The following ZCCHC3 variants were observed in gnomAD, a reference collection of about 807,000 sequenced individuals.
ZCCHC3 encodes zinc finger CCHC domain-containing protein 3.
A neutral mutation model predicts 18.4 loss-of-function variants in ZCCHC3; 20 were observed. That is an observed-to-expected ratio of 1.09 (90% confidence interval 0.76 to 1.58). The LOEUF is 1.58. Ranked by LOEUF, ZCCHC3 falls within the 40% of genes most tolerant of loss-of-function variation. The probability of loss-of-function intolerance (pLI) is 0.00; values close to 1 mark genes in which losing one functional copy is unlikely to be tolerated. For synonymous variants in ZCCHC3, 310 were observed against 232.7 expected, an observed-to-expected ratio of 1.33 and a Z score of -3.02; for missense variants, 548 against 511.2, an observed-to-expected ratio of 1.07 and a Z score of -0.69.
In ZCCHC3 at chr20:298,648, C is replaced by G. The variant is rs1355383220; in HGVS notation, c.1062C>G (p.Phe354Leu). Residue 354 changes from phenylalanine to leucine, a missense_variant, in exon 1 of 1, where the codon TTC becomes TTG. Physicochemically the swap from Phe to Leu is conservative, Grantham distance 22. Coordinates refer to ENST00000500893, the MANE Select transcript of ZCCHC3 (RefSeq NM_033089.7). ...MSGSCTQDRC[F>L]RCGEEGHLSP... ...GCAGCTGCACGCAGGACAGGTGCTT[C>G]AGGTGCGGGGAGGAGGGGCACCTGA... 3.8e-6 allele frequency: 5 copies of G among 1,313,994 alleles called. No homozygotes were observed. The highest frequency in any genetic ancestry group is 5.5e-6 in the Non-Finnish European group (5 of 906,466). The allele number at this position is 1,313,994 out of a possible 1,614,324, so 81.4% of individuals were successfully genotyped here.
rs1478469145 is a variant in ZCCHC3, at chr20:297,644, C to T, written c.58C>T (p.Pro20Ser). 16 of 1,371,238 alleles carry T rather than the reference C, an allele frequency of 1.2e-5. No homozygotes were observed. Among genetic ancestry groups the T allele is most frequent in the East Asian group, 3.1e-5 (1 of 32,462 alleles). The allele number at this position is 1,371,238 out of a possible 1,614,324, so 84.9% of individuals were successfully genotyped here. ...ERKRGRPQLL[P>S]PARPAARGEE... ...GAAACGGGGGCGGCCGCAGCTTCTGCCCCCCGCGCGGCCCGCGGCCCGGGG... is the reference window on the plus strand; with the variant it reads ...GAAACGGGGGCGGCCGCAGCTTCTGTCCCCCGCGCGGCCCGCGGCCCGGGG... Residue 20 changes from proline (P) to serine (S), a missense_variant, in exon 1 of 1, where the codon CCC (proline) becomes TCC (serine). By Grantham distance (74) the Pro-to-Ser change is moderately conservative. Coordinates refer to ENST00000500893, the MANE Select transcript of ZCCHC3 (RefSeq NM_033089.7).
rs1294370816 is a variant in ZCCHC3 at position 300,092 on chromosome 20, C to T, written c.*1294C>T. 1 of 167,078 alleles carries T rather than the reference C, an allele frequency of 6.0e-6. No individual in the cohort carries two copies. Among genetic ancestry groups the T allele is most frequent in the Non-Finnish European group, 1.5e-5 (1 of 68,128 alleles). 10.3% of individuals were successfully genotyped at this position (167,078 alleles called of 1,614,324 possible). On this transcript the variant is annotated 3_prime_UTR_variant, in exon 1 of 1. Transcript: ENST00000500893. ...TTCTCAGGAGAAAGATGGATTTTAA[C>T]CCAAAATTATGAGTGAGCTGTTAAC...
At position 297,839 on chromosome 20, in the gene ZCCHC3, G is replaced by C. The variant is rs111330250; in HGVS notation, c.253G>C (p.Asp85His). The C allele has an allele frequency of 8.0e-7, 1 of 1,250,482 alleles. No individual in the cohort carries two copies. Among genetic ancestry groups the C allele is most frequent in the African/African-American group, 1.6e-5 (1 of 63,728 alleles). The allele number at this position is 1,250,482 out of a possible 1,614,324, so 77.5% of individuals were successfully genotyped here. A position where few individuals can be genotyped will look rare whatever the true frequency, so the allele number is the denominator to read the frequency against. ...LGGPAGLAAP[D>H]LGDFPPAGRG... Reference sequence around the variant, plus strand: ...CGGCCCCGCGGGCCTGGCGGCGCCGGACCTCGGCGACTTCCCACCGGCTGG... The same window carrying C: ...CGGCCCCGCGGGCCTGGCGGCGCCGCACCTCGGCGACTTCCCACCGGCTGG... The change falls in exon 1 of 1, where the codon GAC (aspartate) becomes CAC (histidine). Residue 85 changes from aspartate (D) to histidine (H), a missense_variant. Physicochemically the swap from Asp to His is moderately conservative, Grantham distance 81 (BLOSUM62 -1). Transcript: ENST00000500893.
rs1393537598 is a variant in ZCCHC3 at position 298,588 on chromosome 20, A to G, written c.1002A>G (p.Thr334=). Residue 334 remains threonine (T), a synonymous_variant, in exon 1 of 1, where the codon ACA becomes ACG. Transcript: ENST00000500893. ...GYSWYKGQPK[T]CFKCGSRTHM... ...GCTGGTACAAGGGGCAGCCCAAGACATGCTTTAAATGTGGTTCCCGGACCC... is the reference window on the plus strand; with the variant it reads ...GCTGGTACAAGGGGCAGCCCAAGACGTGCTTTAAATGTGGTTCCCGGACCC... 3 of 834,746 alleles carry G rather than the reference A, an allele frequency of 3.6e-6. No individual in the cohort carries two copies. The highest frequency in any genetic ancestry group is 6.3e-6 in the Non-Finnish European group (3 of 477,614). The allele number at this position is 834,746 out of a possible 1,614,324, so 51.7% of individuals were successfully genotyped here. A position where few individuals can be genotyped will look rare whatever the true frequency, so the allele number is the denominator to read the frequency against.
chr20:298,252 G>A lies in ZCCHC3; in HGVS notation c.666G>A (p.Leu222=). The change falls in exon 1 of 1, where the codon CTG becomes CTA. Residue 222 remains leucine (L), a synonymous_variant. Coordinates refer to ENST00000500893, the MANE Select transcript of ZCCHC3 (RefSeq NM_033089.7). The part of the protein sequence containing the change: ...FDVSFRSAEK[L]ALFLRVYEEK... ...TGAGCTTCCGCTCAGCGGAGAAGCT[G>A]GCCCTGTTCCTACGCGTCTACGAGG... is the stretch of plus-strand genomic sequence containing the variant. 1 of 936,718 alleles carries A rather than the reference G, an allele frequency of 1.1e-6. No homozygotes were observed. The highest frequency in any genetic ancestry group is 1.8e-6 in the Non-Finnish European group (1 of 560,476). 58.0% of individuals were successfully genotyped at this position (936,718 alleles called of 1,614,324 possible). A position where few individuals can be genotyped will look rare whatever the true frequency, so the allele number is the denominator to read the frequency against.
In ZCCHC3 at chr20:298,109, G is replaced by T. The variant is rs1033668323; in HGVS notation, c.523G>T (p.Glu175Ter). 6.3e-7 allele frequency: 1 copy of T among 1,599,390 alleles called. No individual in the cohort carries two copies. ...CGTCCGCATCTGTTTCCAGGGAGAC[G>T]AGGGCGCCTGCCCGACCCGGGACTT... ...FLVRICFQGDEGACPTRDFVV... is the reference protein window; with the variant it reads ...FLVRICFQGD The change falls in exon 1 of 1, where the codon GAG becomes TAG. Residue 175 changes from glutamate to a stop codon, truncating the protein, a stop_gained. Coordinates refer to ENST00000500893, the MANE Select transcript of ZCCHC3 (RefSeq NM_033089.7). LOFTEE classifies it high-confidence loss of function.
In ZCCHC3 at chr20:298,231, C is replaced by T. The variant is rs913519178; in HGVS notation, c.645C>T (p.Ser215=). The change falls in exon 1 of 1, where the codon AGC becomes AGT. Residue 215 remains serine (S), a synonymous_variant. Transcript: ENST00000500893. ...QIPGSREFDV[S]FRSAEKLALF... ...CGGGCAGCCGCGAATTCGACGTGAG[C>T]TTCCGCTCAGCGGAGAAGCTGGCCC... 3 of 1,039,406 alleles carry T rather than the reference C, an allele frequency of 2.9e-6. No homozygotes were observed. The highest frequency in any genetic ancestry group is 4.6e-6 in the Non-Finnish European group (3 of 654,518). 64.4% of individuals were successfully genotyped at this position (1,039,406 alleles called of 1,614,324 possible). A position where few individuals can be genotyped will look rare whatever the true frequency, so the allele number is the denominator to read the frequency against.
In ZCCHC3 at chr20:298,930, C is replaced by A; in HGVS notation, c.*132C>A. 2 of 1,008,190 alleles carry A rather than the reference C, an allele frequency of 2.0e-6. No homozygotes were observed. Among genetic ancestry groups the A allele is most frequent in the Non-Finnish European group, 1.4e-6 (1 of 731,570 alleles). 62.5% of individuals were successfully genotyped at this position (1,008,190 alleles called of 1,614,324 possible). A position where few individuals can be genotyped will look rare whatever the true frequency, so the allele number is the denominator to read the frequency against. Reference sequence around the variant, plus strand: ...AACCTACAAGAGACATCTCTCTATGCCTTCTTAAACCGAGTTTACTCCATT... The same window carrying A: ...AACCTACAAGAGACATCTCTCTATGACTTCTTAAACCGAGTTTACTCCATT... On this transcript the variant is annotated 3_prime_UTR_variant, in exon 1 of 1. Coordinates refer to ENST00000500893, the MANE Select transcript of ZCCHC3 (RefSeq NM_033089.7).
rs1251352524 is a variant in ZCCHC3 at position 298,203 on chromosome 20, T to G, written c.617T>G (p.Ile206Ser). Residue 206 changes from isoleucine to serine, a missense_variant, in exon 1 of 1, where the codon ATC becomes AGC. Physicochemically the swap from Ile to Ser is moderately radical, Grantham distance 142. Coordinates refer to ENST00000500893, the MANE Select transcript of ZCCHC3 (RefSeq NM_033089.7). Reference sequence around the variant, plus strand: ...AGCGACATCTACGCGGTCATCCAGATCCCGGGCAGCCGCGAATTCGACGTG... The same window carrying G: ...AGCGACATCTACGCGGTCATCCAGAGCCCGGGCAGCCGCGAATTCGACGTG... The part of the protein sequence containing the change: ...DPSDIYAVIQ[I>S]PGSREFDVSF... 9.3e-6 allele frequency: 12 copies of G among 1,295,482 alleles called. No individual in the cohort carries two copies. The highest frequency in any genetic ancestry group is 1.4e-5 in the Non-Finnish European group (12 of 888,804). 80.2% of individuals were successfully genotyped at this position (1,295,482 alleles called of 1,614,324 possible).
rs1167499940 is a variant in ZCCHC3, at chr20:298,358, C to T, written c.772C>T (p.Leu258Phe). The change falls in exon 1 of 1, where the codon CTC becomes TTC. Residue 258 changes from leucine (L) to phenylalanine (F), a missense_variant. By Grantham distance (22) the Leu-to-Phe change is conservative (BLOSUM62 0). Transcript: ENST00000500893. ...SKSSLKTLFI[L>F]FRNETVDVED... is the part of the protein sequence containing the mutation. Reference sequence around the variant, plus strand: ...GTCCAGCTTGAAGACGCTCTTCATCCTCTTCCGGAACGAGACGGTGGACGT... The same window carrying T: ...GTCCAGCTTGAAGACGCTCTTCATCTTCTTCCGGAACGAGACGGTGGACGT... The T allele has an allele frequency of 1.3e-6, 1 of 782,640 alleles. No homozygotes were observed. The highest frequency in any genetic ancestry group is 1.7e-5 in the African/African-American group (1 of 59,198). The allele number at this position is 782,640 out of a possible 1,614,324, so 48.5% of individuals were successfully genotyped here. A position where few individuals can be genotyped will look rare whatever the true frequency, so the allele number is the denominator to read the frequency against.
rs2012707202 is a variant in ZCCHC3 at position 299,294 on chromosome 20, T to A, written c.*496T>A. On this transcript the variant is annotated 3_prime_UTR_variant, in exon 1 of 1. Coordinates refer to ENST00000500893, the MANE Select transcript of ZCCHC3 (RefSeq NM_033089.7). ...TATCAGAGTGTCTACCTTTTGCAGC[T>A]CTTCCCCTCCCTCATTTAATTTGCT... 6.0e-6 allele frequency: 1 copy of A among 167,630 alleles called. No individual in the cohort carries two copies. The allele number at this position is 167,630 out of a possible 1,614,324, so 10.4% of individuals were successfully genotyped here. A position where few individuals can be genotyped will look rare whatever the true frequency, so the allele number is the denominator to read the frequency against.
chr20:298,000 G>C lies in ZCCHC3; in HGVS notation c.414G>C (p.Arg138Ser), dbSNP rs2012672427. ...CGGCCGCCATGGCGACCCCGGCCAG[G>C]CCCGGCGAGGCCGAGGACGCGGCCG... ...AAAAAMATPA[R>S]PGEAEDAAER... Residue 138 changes from arginine to serine, a missense_variant, in exon 1 of 1, where the codon AGG becomes AGC. By Grantham distance (110) the Arg-to-Ser change is moderately radical (BLOSUM62 -1). Transcript: ENST00000500893. 2 of 1,378,640 alleles carry C rather than the reference G, an allele frequency of 1.5e-6. No homozygotes were observed. The highest frequency in any genetic ancestry group is 1.9e-6 in the Non-Finnish European group (2 of 1,072,042). The allele number at this position is 1,378,640 out of a possible 1,614,324, so 85.4% of individuals were successfully genotyped here.
Position 297,743 on chromosome 20 carries a change from G to A in ZCCHC3, c.157G>A (p.Glu53Lys). Residue 53 changes from glutamate (E) to lysine (K), a missense_variant, in exon 1 of 1, where the codon GAA becomes AAA. Coordinates refer to ENST00000500893, the MANE Select transcript of ZCCHC3 (RefSeq NM_033089.7). ...GAAGAATCTAGCCGAGAAGAAGGGC[G>A]AATTCCGCGAGCCGCGGCCGCCGCG... ...VVKNLAEKKGEFREPRPPRRE... is the reference protein window; with the variant it reads ...VVKNLAEKKGKFREPRPPRRE... 7.3e-7 allele frequency: 1 copy of A among 1,373,052 alleles called. No individual in the cohort carries two copies. The highest frequency in any genetic ancestry group is 9.4e-7 in the Non-Finnish European group (1 of 1,059,092). The allele number at this position is 1,373,052 out of a possible 1,614,324, so 85.1% of individuals were successfully genotyped here. A position where few individuals can be genotyped will look rare whatever the true frequency, so the allele number is the denominator to read the frequency against.
At position 299,847 on chromosome 20, in the gene ZCCHC3, C is replaced by G. The variant is rs2012715975; in HGVS notation, c.*1049C>G. On this transcript the variant is annotated 3_prime_UTR_variant, in exon 1 of 1. Coordinates refer to ENST00000500893, the MANE Select transcript of ZCCHC3 (RefSeq NM_033089.7). ...GGGAGATACGGAACGGACCAAGGAC[C>G]ACACTCCAGGGTGCATTCGTTGCTC... 1 of 167,098 alleles carries G rather than the reference C, an allele frequency of 6.0e-6. No individual in the cohort carries two copies. The highest frequency in any genetic ancestry group is 2.1e-4 in the South Asian group (1 of 4,826). 10.4% of individuals were successfully genotyped at this position (167,098 alleles called of 1,614,324 possible).
At position 297,703 on chromosome 20, in the gene ZCCHC3, C is replaced by T. The variant is rs2012663383; in HGVS notation, c.117C>T (p.Gly39=). The change falls in exon 1 of 1, where the codon GGC becomes GGT. Residue 39 remains glycine, a synonymous_variant. Transcript: ENST00000500893. Reference sequence around the variant, plus strand: ...CCGACGGCGGCCGCGAGAAGATGGGCTGGGCCCAGGTGGTGAAGAATCTAG... The same window carrying T: ...CCGACGGCGGCCGCGAGAAGATGGGTTGGGCCCAGGTGGTGAAGAATCTAG... ...EEADGGREKM[G]WAQVVKNLAE... 1.2e-5 allele frequency: 17 copies of T among 1,379,534 alleles called. 2 individuals carry two copies. The highest frequency in any genetic ancestry group is 5.0e-5 in the South Asian group (3 of 60,016). The allele number at this position is 1,379,534 out of a possible 1,614,324, so 85.5% of individuals were successfully genotyped here. A position where few individuals can be genotyped will look rare whatever the true frequency, so the allele number is the denominator to read the frequency against.
In ZCCHC3 at chr20:298,990, T is replaced by TTC; in HGVS notation, c.*192_*193insTC. ...TCTGAATTGGTGACTCTGTCACCAATAACGACTGCGGAGAACTGTAGCGTG... is the reference window on the plus strand; with the variant it reads ...TCTGAATTGGTGACTCTGTCACCAATTCAACGACTGCGGAGAACTGTAGCGTG... On this transcript the variant is annotated 3_prime_UTR_variant, in exon 1 of 1. Coordinates refer to ENST00000500893, the MANE Select transcript of ZCCHC3 (RefSeq NM_033089.7). 4.2e-6 allele frequency: 2 copies of TTC among 477,114 alleles called. No homozygotes were observed. The highest frequency in any genetic ancestry group is 7.2e-6 in the Non-Finnish European group (2 of 277,802). 29.6% of individuals were successfully genotyped at this position (477,114 alleles called of 1,614,324 possible).
Position 298,966 on chromosome 20 carries a change from C to A in ZCCHC3, c.*168C>A. 1 of 633,548 alleles carries A rather than the reference C, an allele frequency of 1.6e-6. No homozygotes were observed. Among genetic ancestry groups the A allele is most frequent in the Non-Finnish European group, 2.4e-6 (1 of 410,936 alleles). 39.2% of individuals were successfully genotyped at this position (633,548 alleles called of 1,614,324 possible). On this transcript the variant is annotated 3_prime_UTR_variant, in exon 1 of 1. Transcript: ENST00000500893. The stretch of plus-strand genomic sequence containing the variant: ...CGAGTTTACTCCATTTCAGCCTGTT[C>A]TGAATTGGTGACTCTGTCACCAATA...
Position 297,653 on chromosome 20 carries a change from C to A in ZCCHC3, c.67C>A (p.Arg23=). The change falls in exon 1 of 1, where the codon CGG becomes AGG. Residue 23 remains arginine, a synonymous_variant. Transcript: ENST00000500893. Reference sequence around the variant, plus strand: ...GCGGCCGCAGCTTCTGCCCCCCGCGCGGCCCGCGGCCCGGGGCGAGGAGGC... The same window carrying A: ...GCGGCCGCAGCTTCTGCCCCCCGCGAGGCCCGCGGCCCGGGGCGAGGAGGC... ...RGRPQLLPPA[R]PAARGEEADG... is the part of the protein sequence containing the mutation. 7.3e-7 allele frequency: 1 copy of A among 1,368,002 alleles called. No individual in the cohort carries two copies. The highest frequency in any genetic ancestry group is 1.7e-5 in the South Asian group (1 of 57,666). 84.7% of individuals were successfully genotyped at this position (1,368,002 alleles called of 1,614,324 possible).
At position 298,495 on chromosome 20, in the gene ZCCHC3, G is replaced by A. The variant is rs547592217; in HGVS notation, c.909G>A (p.Leu303=). 1 of 763,820 alleles carries A rather than the reference G, an allele frequency of 1.3e-6. No homozygotes were observed. Among genetic ancestry groups the A allele is most frequent in the Admixed American group, 1.7e-5 (1 of 58,076 alleles). The allele number at this position is 763,820 out of a possible 1,614,324, so 47.3% of individuals were successfully genotyped here. A position where few individuals can be genotyped will look rare whatever the true frequency, so the allele number is the denominator to read the frequency against. Residue 303 remains leucine (L), a synonymous_variant, in exon 1 of 1, where the codon CTG becomes CTA. Coordinates refer to ENST00000500893, the MANE Select transcript of ZCCHC3 (RefSeq NM_033089.7). ...GGGAGTACAAATGCGAGATCGAGCT[G>A]CGCCAGGGGGAGGGCGGGGTCAGGC... ...WTGEYKCEIE[L]RQGEGGVRHL... is the part of the protein sequence containing the mutation.
Sources: allele counts gnomAD v4.1 joint callset, GRCh38; gene constraint gnomAD v4.1.1; transcripts MANE v1.5; gene names NCBI Gene and HGNC (gene_info 2026-07-23, HGNC 2026-07-21).